Variants in MICAL2 observed in about 807,000 individuals in gnomAD.
MICAL2 encodes the protein microtubule associated monooxygenase, calponin and LIM domain containing 2, also known as [F-actin]-monooxygenase MICAL2.
MICAL2 carries 77 observed loss-of-function variants against 127.3 expected under a neutral mutation model. That is an observed-to-expected ratio of 0.60 (90% CI 0.50 to 0.73). MICAL2 has a LOEUF of 0.73. MICAL2 is among the 30% of genes least tolerant of loss of function. The pLI is 0.00. For synonymous variants in MICAL2, 570 were observed against 551.1 expected, an observed-to-expected ratio of 1.03 and a Z score of -0.48; for missense variants, 1,351 against 1,434.4, an observed-to-expected ratio of 0.94 and a Z score of 0.94.
intron 24 of MICAL2, among the ~76,000 whole-genome samples, chr11:12,268,985 G>A (rs922088603): frequency 9.9e-5 from 15 of 151,998 alleles, no homozygotes; most frequent in African/African-American, 3.4e-4. Context: ...GGCGACGAGC[G>A]AGACTCCGTC....
chr11:12,240,251 T>C (rs3794081), intron 17 of MICAL2, among the ~76,000 whole-genome samples: 51,637 of 152,056 alleles, frequency 0.34, 9,215 homozygotes, highest in South Asian at 0.41. Flanking sequence ...TAGGCTTCCT[T>C]CTGACTCCGG....
At chr11:12,146,780 C>T (rs945700256) in intron 2 of MICAL2, among the ~76,000 whole-genome samples, 2 of 152,114 alleles carry the variant, frequency 1.3e-5, no homozygotes, top group African/African-American at 2.4e-5. Context: ...TATTGTGGCA[C>T]TATTCACAAT....
At chr11:12,359,704 A>C (rs186356335), downstream of MICAL2, among the ~76,000 whole-genome samples, 697 of 152,306 alleles carry the variant, frequency 4.6e-3, 7 homozygotes, top group Non-Finnish European at 6.1e-3. Context: ...AAAGAAGAGA[A>C]GATTTAATAT....
At chr11:12,145,622 A>T (rs1432050643) in intron 2 of MICAL2, among the ~76,000 whole-genome samples, 5 of 152,186 alleles carry the variant, frequency 3.3e-5, no homozygotes, top group Non-Finnish European at 7.3e-5. Context: ...GCAATTTTAC[A>T]TCTAAATCTT....
chr11:12,206,983 G>T (rs1434270540), intron 4 of MICAL2, among the ~76,000 whole-genome samples: 1 of 151,680 alleles, frequency 6.6e-6, no homozygotes, highest in East Asian at 1.9e-4. Context: ...GCGTAGACTT[G>T]GTCCATGCTT....
chr11:12,312,338 CT>C (rs141672182), intron 29 of MICAL2, among the ~76,000 whole-genome samples: 36,940 of 142,232 alleles, frequency 0.26, 4,909 homozygotes, highest in East Asian at 0.55. Context: ...CATTTCTCAA[CT>C]TTTTTTTTTT....
intron 33 of MICAL2, among the ~76,000 whole-genome samples, chr11:12,350,838 TTC>T (rs1436141124): frequency 6.6e-6 from 1 of 152,202 alleles, no homozygotes; most frequent in East Asian, 1.9e-4. Context: ...CAGAAATTTA[TTC>T]TCTCACTGTC....
rs887681446 is a variant in MICAL2, at chr11:12,255,354, A to G, written c.2848-289A>G. 8 of 405,282 alleles carry G rather than the reference A, an allele frequency of 2.0e-5. No individual in the cohort carries two copies. The Admixed American group carries it at 2.1e-4, about 11-fold the overall frequency. 25.1% of individuals were successfully genotyped at this position (405,282 alleles called of 1,614,324 possible). On this transcript the variant is annotated intron_variant, in intron 22 of 27. Transcript: ENST00000683283. ...CTGTACCCACTAAACAACAGCAACC[A>G]CTGTTCTACTGCCTGTCTCTACGAT... is the stretch of plus-strand genomic sequence containing the variant.
chr11:12,130,570 A>G (rs1219754232), intron 1 of MICAL2, among the ~76,000 whole-genome samples: 2 of 152,188 alleles, frequency 1.3e-5, no homozygotes, highest in African/African-American at 2.4e-5. Flanking sequence ...CAGCCCAACA[A>G]AAGTTTATTG....
chr11:12,224,493 C>G (rs1857174270), intron 12 of MICAL2, 180 bp from the exon 13 acceptor site: 4 of 675,734 alleles, frequency 5.9e-6, no homozygotes, highest in Admixed American at 2.9e-5. Context: ...CACTCCTGAC[C>G]AGGCCCCCAA....
chr11:12,174,611 T>C (rs1191714871), intron 3 of MICAL2, among the ~76,000 whole-genome samples: 1 of 152,086 alleles, frequency 6.6e-6, no homozygotes, highest in Non-Finnish European at 1.5e-5. Flanking sequence ...TTTTTTCTGC[T>C]TTTTGGCTAA....
downstream of MICAL2, among the ~76,000 whole-genome samples, chr11:12,297,042 G>A (rs150239011): frequency 1.2e-4 from 18 of 152,220 alleles, no homozygotes; most frequent in East Asian, 9.6e-4. Flanking sequence ...AAGCATGTGC[G>A]TGAATTTATC....
chr11:12,260,489 C>T (rs1862961525), intron 26 of MICAL2: 2 of 1,091,564 alleles, frequency 1.8e-6, no homozygotes, highest in Non-Finnish European at 2.2e-6. Context: ...TTTTTCTAAA[C>T]ATGGGTTTGA....
chr11:12,210,006 A>G (rs755165575), intron 6 of MICAL2, among the ~76,000 whole-genome samples: 1 of 152,184 alleles, frequency 6.6e-6, no homozygotes, highest in Non-Finnish European at 1.5e-5. Flanking sequence ...TTCAGCTAAG[A>G]TAAACATTTT....
At chr11:12,283,225 T>C (rs115999888) in intron 2 of MICAL2, among the ~76,000 whole-genome samples, 177 of 152,198 alleles carry the variant, frequency 1.2e-3, no homozygotes, top group African/African-American at 4.0e-3. Context: ...GTGTGGGTTT[T>C]ATGGAGCTTC....
At chr11:12,296,516 C>T (rs953540911), downstream of MICAL2, among the ~76,000 whole-genome samples, 9 of 148,326 alleles carry the variant, frequency 6.1e-5, no homozygotes, top group Non-Finnish European at 1.0e-4. Context: ...ATGCATAACA[C>T]ATTAAATTTT....
intron 2 of MICAL2, among the ~76,000 whole-genome samples, chr11:12,282,943 G>A (rs1590720195): frequency 6.6e-6 from 1 of 152,214 alleles, no homozygotes; most frequent in South Asian, 2.1e-4. Flanking sequence ...GTTGTGTTGG[G>A]AGACTAGTTG....
chr11:12,336,561 T>C (rs377149646), intron 32 of MICAL2, among the ~76,000 whole-genome samples: 7 of 152,240 alleles, frequency 4.6e-5, no homozygotes, highest in Middle Eastern at 3.4e-3. Flanking sequence ...CCAGTTTTTG[T>C]CCATTCAGTA....
chr11:12,224,842 G>A (rs1432184425), intron 13 of MICAL2, 22 bp downstream of exon 13: 3 of 1,594,554 alleles, frequency 1.9e-6, no homozygotes. Context: ...GCCCAGGCTG[G>A]CCCCTGGAGA....
Sources: gnomAD v4.1 joint callset for allele counts (sites outside exome capture counted in the v4.1 genomes callset) on GRCh38, gnomAD v4.1.1 for gene constraint, MANE v1.5 for transcripts, NCBI Gene and HGNC (gene_info 2026-07-23, HGNC 2026-07-21) for gene names.